Variants in TAX1BP1 observed in about 807,000 individuals in gnomAD.
The protein encoded by TAX1BP1 is tax1-binding protein 1.
TAX1BP1 carries 62 observed loss-of-function variants against 97.7 expected under a neutral mutation model. The ratio of observed to expected loss-of-function variants is 0.63; its 90% CI spans 0.52 to 0.78. TAX1BP1 has a LOEUF of 0.78. Ranked by LOEUF, TAX1BP1 falls within the 30% of genes least tolerant of loss-of-function variation. TAX1BP1 has a pLI of 0.00. For missense variants in TAX1BP1, 867 were observed against 916.1 expected (o/e 0.95, Z 0.69); for synonymous variants, 340 against 304.2 (o/e 1.12, Z -1.23).
rs776092323 is a variant in TAX1BP1, at chr7:27,796,119, A to G, written c.1538A>G (p.Glu513Gly). 4.4e-6 allele frequency: 7 copies of G among 1,605,538 alleles called. No individual in the cohort carries two copies. In the South Asian group the frequency reaches 7.9e-5, roughly 18 times the overall value. Residue 513 changes from glutamate (E) to glycine (G), a missense_variant, in exon 12 of 17, where the codon GAG becomes GGG. Glu to Gly is a moderately conservative substitution (Grantham distance 98). Coordinates refer to ENST00000396319, the MANE Select transcript of TAX1BP1 (RefSeq NM_006024.7). ...CTTATATTCTGCCTTTCTACAGCAG[A>G]GGCAGATTTTGACATAGTAACAAAG... is the stretch of plus-strand genomic sequence containing the variant. ...VDVKPSPSAA[E>G]ADFDIVTKGQ...
intron 3 of TAX1BP1, among the ~76,000 whole-genome samples, chr7:27,764,170 A>G (rs529568413): frequency 1.3e-5 from 2 of 152,330 alleles, no homozygotes; most frequent in Non-Finnish European, 2.9e-5. Context: ...ACTATTGACT[A>G]AAGTACAAAC....
At chr7:27,792,949 A>ACTGGTTTTG in intron 9 of TAX1BP1, 117 bp from the exon 10 acceptor site, 1 of 902,102 alleles carries the variant, frequency 1.1e-6, no homozygotes, top group East Asian at 2.9e-5. Flanking sequence ...GTGACAGAGC[A>ACTGGTTTTG]AGACTCTGTC....
chr7:27,813,521 A>G (rs569217356), intron 13 of TAX1BP1, among the ~76,000 whole-genome samples: 1 of 152,044 alleles, frequency 6.6e-6, no homozygotes, highest in East Asian at 1.9e-4. Context: ...CACCCAGCTA[A>G]TTTTTGTATT....
chr7:27,769,415 T>G (rs961006311), intron 4 of TAX1BP1, among the ~76,000 whole-genome samples: 2 of 151,942 alleles, frequency 1.3e-5, no homozygotes, highest in Non-Finnish European at 2.9e-5. Context: ...CAAAAATGAT[T>G]AGCAGCCAAC....
In TAX1BP1 at chr7:27,743,073, A is replaced by G. The variant is rs910682946; in HGVS notation, c.-8+2804A>G. Among the ~76,000 whole-genome samples, 4 of 152,300 alleles carry G rather than the reference A, an allele frequency of 2.6e-5. No homozygotes were observed. In the South Asian group the frequency reaches 8.3e-4, roughly 32 times the overall value. ...GAAGATAAAAATGTCCTCTACCCTA[A>G]TATGTGTGGGCCAATATCATAGCAT... On this transcript the variant is annotated intron_variant, in intron 1 of 16. Coordinates refer to ENST00000396319, the MANE Select transcript of TAX1BP1 (RefSeq NM_006024.7).
intron 2 of TAX1BP1, among the ~76,000 whole-genome samples, chr7:27,757,784 G>GT (rs1788278670): frequency 6.6e-6 from 1 of 152,012 alleles, no homozygotes; most frequent in Non-Finnish European, 1.5e-5. Flanking sequence ...TTATCCTTGA[G>GT]AAATTGGATA....
intron 3 of TAX1BP1, 113 bp downstream of exon 3, chr7:27,758,246 T>C: frequency 2.8e-6 from 2 of 708,830 alleles, no homozygotes; most frequent in South Asian, 4.7e-5. Context: ...CAAAGTTGAA[T>C]TAGTTAGTGT....
At chr7:27,750,457 A>T (rs1787980624) in intron 2 of TAX1BP1, among the ~76,000 whole-genome samples, 1 of 152,220 alleles carries the variant, frequency 6.6e-6, no homozygotes, top group African/African-American at 2.4e-5. Context: ...CGGATAAGGG[A>T]TACTGAATCT....
chr7:27,807,359 C>T (rs555105985), intron 13 of TAX1BP1, among the ~76,000 whole-genome samples: 14 of 152,220 alleles, frequency 9.2e-5, no homozygotes, highest in African/African-American at 3.4e-4. Context: ...GTCTTTTCCT[C>T]CCTGATCTAG....
chr7:27,747,682 T>C (rs1583663745), intron 1 of TAX1BP1, among the ~76,000 whole-genome samples: 1 of 152,014 alleles, frequency 6.6e-6, no homozygotes, highest in Non-Finnish European at 1.5e-5. Flanking sequence ...ACAGGCTGGG[T>C]CTGGGATCTG....
chr7:27,757,886 G>T, intron 2 of TAX1BP1, 145 bp from the exon 3 acceptor site: 1 of 487,254 alleles, frequency 2.1e-6, no homozygotes, highest in Non-Finnish European at 3.6e-6. Flanking sequence ...GAAATAATTT[G>T]ACATGCTTGT....
intron 8 of TAX1BP1, among the ~76,000 whole-genome samples, chr7:27,790,945 G>A (rs1789680956): frequency 6.6e-6 from 1 of 151,972 alleles, no homozygotes; most frequent in Non-Finnish European, 1.5e-5. Flanking sequence ...TTTTTTTACT[G>A]CATAATCGCA....
chr7:27,798,812 T>C (rs993677234), intron 12 of TAX1BP1, among the ~76,000 whole-genome samples: 2 of 152,076 alleles, frequency 1.3e-5, no homozygotes, highest in East Asian at 1.9e-4. Context: ...TCTTTTCTTA[T>C]GCTTATTTGC....
intron 13 of TAX1BP1, among the ~76,000 whole-genome samples, chr7:27,805,488 A>G (rs1399841818): frequency 6.6e-6 from 1 of 152,086 alleles, no homozygotes; most frequent in Non-Finnish European, 1.5e-5. Flanking sequence ...GTGTAGTCTA[A>G]AGTGTGGTAC....
At chr7:27,785,012 T>C in intron 5 of TAX1BP1, 151 bp from the exon 6 acceptor site, 1 of 669,164 alleles carries the variant, frequency 1.5e-6, no homozygotes, top group Middle Eastern at 4.5e-4. Flanking sequence ...ATGTTATCAT[T>C]TCAAGTTTTA....
At position 27,787,393 on chromosome 7, in the gene TAX1BP1, T is replaced by C. The variant is rs1158613527; in HGVS notation, c.853-25T>C. 2.6e-6 allele frequency: 4 copies of C among 1,562,256 alleles called. 1 individual carries two copies. The East Asian group carries it at 9.0e-5, about 35-fold the overall frequency. On this transcript the variant is annotated intron_variant, in intron 7 of 16. Transcript: ENST00000396319. ...CTTAGGTCATGGAGTTAGAATATTC[T>C]TGACATTTTCAAACACCATTACAGG...
chr7:27,788,442 T>C (rs772127900), intron 8 of TAX1BP1, among the ~76,000 whole-genome samples: 2 of 152,070 alleles, frequency 1.3e-5, no homozygotes, highest in Admixed American at 6.5e-5. Flanking sequence ...TATTGTCCTT[T>C]GATGCTCCTC....
intron 13 of TAX1BP1, among the ~76,000 whole-genome samples, chr7:27,810,918 C>T (rs1790534667): frequency 6.6e-6 from 1 of 151,934 alleles, no homozygotes; most frequent in Admixed American, 6.6e-5. Context: ...CCTTAGGATC[C>T]ATCTCAAATG....
At chr7:27,750,410 A>AC (rs1489634681) in intron 2 of TAX1BP1, among the ~76,000 whole-genome samples, 1 of 152,326 alleles carries the variant, frequency 6.6e-6, no homozygotes, top group Admixed American at 6.5e-5. Context: ...AATCTGACAG[A>AC]TTTAGAAATC....
Sources: allele counts gnomAD v4.1 joint callset (sites outside exome capture counted in the v4.1 genomes callset), GRCh38; gene constraint gnomAD v4.1.1; transcripts MANE v1.5; gene names NCBI Gene and HGNC (gene_info 2026-07-23, HGNC 2026-07-21).